The following ASIC2 variants were observed in gnomAD, a reference collection of about 807,000 sequenced individuals.
The protein encoded by ASIC2 is acid sensing ion channel subunit 2, also known as acid-sensing ion channel 2.
ASIC2 carries 25 observed loss-of-function variants against 57.3 expected under a neutral mutation model. That is an observed-to-expected ratio of 0.44 (90% CI 0.32 to 0.61). The LOEUF is 0.61. ASIC2 is among the 20% of genes least tolerant of loss of function. ASIC2 has a pLI of 0.06. For synonymous variants in ASIC2, 319 were observed against 307.5 expected (o/e 1.04, Z -0.39); for missense variants, 641 against 738.1 (o/e 0.87, Z 1.52).
At chr17:34,010,752 C>G (rs72822905) in intron 1 of ASIC2, among the ~76,000 whole-genome samples, 17,954 of 151,626 alleles carry the variant, frequency 0.12, 1,453 homozygotes, top group East Asian at 0.35. Context: ...TACAAACACT[C>G]AGACCCATAG....
chr17:33,938,675 G>A (rs899062622), intron 1 of ASIC2, among the ~76,000 whole-genome samples: 2 of 152,198 alleles, frequency 1.3e-5, no homozygotes, highest in Non-Finnish European at 2.9e-5. Context: ...ATTTGATCCA[G>A]GAGGGCTACT....
chr17:33,656,378 A>C (rs1907075769), intron 1 of ASIC2, among the ~76,000 whole-genome samples: 1 of 152,216 alleles, frequency 6.6e-6, no homozygotes, highest in African/African-American at 2.4e-5. Context: ...ACATTAAAGC[A>C]TCAGCTTCTT....
intron 1 of ASIC2, among the ~76,000 whole-genome samples, chr17:33,973,317 C>T (rs1905274603): frequency 6.6e-6 from 1 of 152,182 alleles, no homozygotes; most frequent in African/African-American, 2.4e-5. Flanking sequence ...GTGGAGACAT[C>T]AACAGAGGGG....
chr17:33,674,410 A>G (rs1197816983), intron 1 of ASIC2, among the ~76,000 whole-genome samples: 3 of 152,208 alleles, frequency 2.0e-5, no homozygotes, highest in Non-Finnish European at 4.4e-5. Context: ...TGTTTACATG[A>G]CAGATACTAA....
In ASIC2 at chr17:33,088,523, T is replaced by A. The variant is rs113092981; in HGVS notation, c.987+340A>T. ...GTATTAACGCAAGTGATGAAACATA[T>A]CAAGCCCTGGTTAGCAGTTTTCCTT... On this transcript the variant is annotated intron_variant, in intron 3 of 9. Coordinates refer to ENST00000225823, the MANE Select transcript of ASIC2 (RefSeq NM_183377.2). 2.4e-3 allele frequency among the ~76,000 whole-genome samples: 362 copies of A among 151,742 alleles called. 4 individuals are homozygous for A. The highest frequency in any genetic ancestry group is 8.4e-3 in the African/African-American group (349 of 41,388).
intron 1 of ASIC2, among the ~76,000 whole-genome samples, chr17:34,091,932 A>G (rs1910347420): frequency 6.6e-6 from 1 of 152,176 alleles, no homozygotes; most frequent in Admixed American, 6.5e-5. Context: ...AGACTACAGT[A>G]GTGCATGTCT....
rs1912133822 is a variant in ASIC2 at position 33,448,741 on chromosome 17, A to T, written c.556-336674T>A. Among the ~76,000 whole-genome samples, 3 of 152,250 alleles carry T rather than the reference A, an allele frequency of 2.0e-5. No homozygotes were observed. In the South Asian group the frequency reaches 6.2e-4, roughly 32 times the overall value. On this transcript the variant is annotated intron_variant, in intron 1 of 9. Coordinates refer to the ASIC2 transcript ENST00000359872. ...TGAAATACTATATTTCTGTTGTTTA[A>T]GCCACTAAATTTGTGGTAATTGACT...
At chr17:33,519,325 G>A (rs377758936) in intron 1 of ASIC2, among the ~76,000 whole-genome samples, 10 of 152,216 alleles carry the variant, frequency 6.6e-5, no homozygotes, top group East Asian at 3.9e-4. Context: ...GCTGGAAGCC[G>A]CCCAGCTTGT....
In ASIC2 at chr17:33,292,272, C is replaced by G; in HGVS notation, c.-157G>C. On this transcript the variant is annotated 5_prime_UTR_variant, in exon 1 of 10. Coordinates refer to ENST00000225823, the MANE Select transcript of ASIC2 (RefSeq NM_183377.2). ...AAAGGAGCTCCGGTGGCGCGGCATGCCCGCCCGGCGCCGCCGCTGCCGCCT... is the reference window on the plus strand; with the variant it reads ...AAAGGAGCTCCGGTGGCGCGGCATGGCCGCCCGGCGCCGCCGCTGCCGCCT... The G allele has an allele frequency of 1.0e-6, 1 of 990,682 alleles. No individual in the cohort carries two copies. 61.4% of individuals were successfully genotyped at this position (990,682 alleles called of 1,614,324 possible).
intron 3 of ASIC2, among the ~76,000 whole-genome samples, chr17:33,048,658 T>G (rs2091964133): frequency 6.6e-6 from 1 of 152,192 alleles, no homozygotes; most frequent in Non-Finnish European, 1.5e-5. Flanking sequence ...TGAAATCTGC[T>G]CCAGGTCTGG....
At chr17:33,723,547 TC>T (rs988120933) in intron 1 of ASIC2, among the ~76,000 whole-genome samples, 5 of 152,212 alleles carry the variant, frequency 3.3e-5, no homozygotes, top group Admixed American at 2.6e-4. Context: ...CAGGCTTGTC[TC>T]GAACTCCTGG....
chr17:33,532,679 C>T (rs570596421), intron 1 of ASIC2, among the ~76,000 whole-genome samples: 1 of 152,250 alleles, frequency 6.6e-6, no homozygotes, highest in Non-Finnish European at 1.5e-5. Flanking sequence ...CATTGGTCCT[C>T]TTGACCCTGT....
In ASIC2 at chr17:33,830,838, C is replaced by T. The variant is rs564707892; in HGVS notation, c.555+325140G>A. ...TTTCAAAAGCAAGTCCTGCAGGGCG[C>T]GGTGGCTCAGGCCTATAATCCCAGC... On this transcript the variant is annotated intron_variant, in intron 1 of 9. Coordinates refer to the ASIC2 transcript ENST00000359872. Among the ~76,000 whole-genome samples the T allele has an allele frequency of 6.6e-5, 10 of 152,002 alleles. No homozygotes were observed. The South Asian group carries it at 1.3e-3, about 19-fold the overall frequency.
chr17:34,046,894 T>C (rs909982192), intron 1 of ASIC2, among the ~76,000 whole-genome samples: 1 of 152,180 alleles, frequency 6.6e-6, no homozygotes, highest in African/African-American at 2.4e-5. Context: ...GAACCACATA[T>C]ACCTTCAATC....
At chr17:33,921,895 T>C (rs1323565396) in intron 1 of ASIC2, among the ~76,000 whole-genome samples, 2 of 152,094 alleles carry the variant, frequency 1.3e-5, no homozygotes, top group Non-Finnish European at 2.9e-5. Flanking sequence ...CCTCCCTCTC[T>C]CTTGAAGCAG....
chr17:34,130,257 C>A (rs1911912147), intron 1 of ASIC2, among the ~76,000 whole-genome samples: 1 of 152,210 alleles, frequency 6.6e-6, no homozygotes, highest in Admixed American at 6.5e-5. Flanking sequence ...CTCCTTAAAC[C>A]CTTACCCTGT....
intron 1 of ASIC2, among the ~76,000 whole-genome samples, chr17:33,937,443 T>C (rs1375722128): frequency 6.6e-6 from 1 of 151,304 alleles, no homozygotes; most frequent in Non-Finnish European, 1.5e-5. Flanking sequence ...TTTTTCCCCA[T>C]CAGAATGTAA....
At chr17:34,126,088 C>T (rs1332363858) in intron 1 of ASIC2, among the ~76,000 whole-genome samples, 1 of 152,142 alleles carries the variant, frequency 6.6e-6, no homozygotes, top group Non-Finnish European at 1.5e-5. Flanking sequence ...GCTGGTGTGT[C>T]TCCTCCCCTC....
At chr17:33,482,761 C>A (rs909498127) in intron 1 of ASIC2, among the ~76,000 whole-genome samples, 3 of 152,204 alleles carry the variant, frequency 2.0e-5, no homozygotes, top group Admixed American at 6.5e-5. Context: ...TACCCCATCA[C>A]CCCCAATGCC....
Sources: gnomAD v4.1 joint callset for allele counts (sites outside exome capture counted in the v4.1 genomes callset) on GRCh38, gnomAD v4.1.1 for gene constraint, MANE v1.5 for transcripts, NCBI Gene and HGNC (gene_info 2026-07-23, HGNC 2026-07-21) for gene names.